The following DNAJB4 variants were observed in gnomAD, a reference collection of about 807,000 sequenced individuals.
The protein encoded by DNAJB4 is DnaJ heat shock protein family (Hsp40) member B4.
A neutral mutation model predicts 26.6 loss-of-function variants in DNAJB4; 10 were observed. The ratio of observed to expected loss-of-function variants is 0.38; its 90% CI spans 0.23 to 0.64. The LOEUF (loss-of-function observed/expected upper bound fraction) is 0.64, where lower values mean the gene tolerates loss of function less well. DNAJB4 is among the 30% of genes least tolerant of loss of function. DNAJB4 has a pLI of 0.58. For synonymous variants in DNAJB4, 136 were observed against 134.8 expected, an observed-to-expected ratio of 1.01 and a Z score of -0.06; for missense variants, 328 against 408.2, an observed-to-expected ratio of 0.80 and a Z score of 1.69.
At chr1:78,015,924 G>T in intron 2 of DNAJB4, 90 bp from the exon 3 acceptor site, 1 of 1,043,846 alleles carries the variant, frequency 9.6e-7, no homozygotes. Context: ...TTTTACCTTA[G>T]TGGTATTATC....
Position 78,016,030 on chromosome 1 carries a change from C to T in DNAJB4, c.797C>T (p.Ser266Leu), listed in dbSNP as rs1330201223. Residue 266 changes from serine to leucine, a missense_variant, in exon 3 of 3, where the codon TCA (serine) becomes TTA (leucine). Physicochemically the swap from Ser to Leu is moderately radical, Grantham distance 145 (BLOSUM62 -2). Transcript: ENST00000370763. ...CCATTTTAGGCATTGTGTGGCTGCT[C>T]AATTAATGTACCAACACTGGATGGA... The part of the protein sequence containing the change: ...ISLREALCGC[S>L]INVPTLDGRN... 6.2e-7 allele frequency: 1 copy of T among 1,613,626 alleles called. No homozygotes were observed. The highest frequency in any genetic ancestry group is 8.5e-7 in the Non-Finnish European group (1 of 1,179,866).
At chr1:78,000,196 T>C (rs1411096149), upstream of DNAJB4, among the ~76,000 whole-genome samples, 1 of 152,162 alleles carries the variant, frequency 6.6e-6, no homozygotes, top group African/African-American at 2.4e-5. Flanking sequence ...GCATATGGTA[T>C]AGTAATTTTC....
At chr1:77,979,555 C>G (rs1659429206), upstream of DNAJB4, 1 of 154,374 alleles carries the variant, frequency 6.5e-6, no homozygotes, top group Non-Finnish European at 1.4e-5. Context: ...GCGTCCGAGA[C>G]GCCGCGCGGT....
intron 1 of DNAJB4, among the ~76,000 whole-genome samples, chr1:77,990,149 T>C (rs564839743): frequency 1.3e-5 from 2 of 152,326 alleles, no homozygotes; most frequent in African/African-American, 4.8e-5. Flanking sequence ...AAAGAAGATA[T>C]GAATGGTTCT....
chr1:78,013,417 A>G lies in DNAJB4; in HGVS notation c.578A>G (p.Tyr193Cys), dbSNP rs757451101. The change falls in exon 2 of 3, where the codon TAC becomes TGC. Residue 193 changes from tyrosine (Y) to cysteine (C), a missense_variant. Physicochemically the swap from Tyr to Cys is radical, Grantham distance 194. Coordinates refer to ENST00000370763, the MANE Select transcript of DNAJB4 (RefSeq NM_007034.5). ...RKRLNADGRS[Y>C]RSEDKILTIE... is the part of the protein sequence containing the mutation. ...AGGCTAAACGCTGATGGAAGGAGTT[A>G]CAGATCTGAGGACAAAATTCTTACC... The G allele has an allele frequency of 6.2e-7, 1 of 1,614,204 alleles. No individual in the cohort carries two copies. The highest frequency in any genetic ancestry group is 8.5e-7 in the Non-Finnish European group (1 of 1,180,014).
chr1:77,990,423 C>T (rs953523290), intron 1 of DNAJB4, among the ~76,000 whole-genome samples: 2 of 152,160 alleles, frequency 1.3e-5, no homozygotes, highest in African/African-American at 4.8e-5. Flanking sequence ...TCTTCATCCA[C>T]GTTCAATTCA....
intron 1 of DNAJB4, among the ~76,000 whole-genome samples, chr1:77,985,222 G>T (rs1405607984): frequency 6.6e-6 from 1 of 152,150 alleles, no homozygotes; most frequent in Non-Finnish European, 1.5e-5. Flanking sequence ...AAGTGGGTGG[G>T]TACAAGATAG....
At chr1:77,998,947 T>TG (rs1320215293) in intron 1 of DNAJB4, among the ~76,000 whole-genome samples, 1 of 152,192 alleles carries the variant, frequency 6.6e-6, no homozygotes, top group Non-Finnish European at 1.5e-5. Flanking sequence ...AAGTTGCATT[T>TG]GTAGCCATCA....
chr1:77,980,683 A>AAT (rs935470945), intron 1 of DNAJB4, among the ~76,000 whole-genome samples: 1 of 152,154 alleles, frequency 6.6e-6, no homozygotes, highest in Non-Finnish European at 1.5e-5. Context: ...AATTGTGAGA[A>AAT]ATATATATAT....
At chr1:77,987,210 C>A (rs1267590916) in intron 1 of DNAJB4, among the ~76,000 whole-genome samples, 1 of 152,210 alleles carries the variant, frequency 6.6e-6, no homozygotes, top group African/African-American at 2.4e-5. Context: ...TTTACCCTAT[C>A]TATGATTCTA....
In DNAJB4 at chr1:78,017,255, C is replaced by G. The variant is rs1363113845; in HGVS notation, c.*1008C>G. On this transcript the variant is annotated 3_prime_UTR_variant, in exon 3 of 3. Coordinates refer to ENST00000370763, the MANE Select transcript of DNAJB4 (RefSeq NM_007034.5). Reference sequence around the variant, plus strand: ...TGCATATAAATATTTTACTTTTTCACATGTATAGATTGCATTTCTTAGGTG... The same window carrying G: ...TGCATATAAATATTTTACTTTTTCAGATGTATAGATTGCATTTCTTAGGTG... 1.3e-5 allele frequency: 2 copies of G among 151,900 alleles called. No homozygotes were observed. The highest frequency in any genetic ancestry group is 2.4e-5 in the African/African-American group (1 of 41,394). The allele number at this position is 151,900 out of a possible 1,614,324, so 9.4% of individuals were successfully genotyped here.
In DNAJB4 at chr1:78,016,308, T is replaced by A; in HGVS notation, c.*61T>A. 1 of 1,379,046 alleles carries A rather than the reference T, an allele frequency of 7.3e-7. No individual in the cohort carries two copies. Among genetic ancestry groups the A allele is most frequent in the Non-Finnish European group, 1.0e-6 (1 of 986,234 alleles). 85.4% of individuals were successfully genotyped at this position (1,379,046 alleles called of 1,614,324 possible). ...ACTGAAAATATAAAAGGACTGGTAG[T>A]TTACTGATGTAGATGTGAATTCTGT... On this transcript the variant is annotated 3_prime_UTR_variant, in exon 3 of 3. Transcript: ENST00000370763.
chr1:78,011,970 T>G (rs1660490813), intron 1 of DNAJB4, among the ~76,000 whole-genome samples: 1 of 148,674 alleles, frequency 6.7e-6, no homozygotes, highest in Non-Finnish European at 1.5e-5. Flanking sequence ...TTATATATAT[T>G]GTTTGATTGT....
intron 1 of DNAJB4, among the ~76,000 whole-genome samples, chr1:78,006,521 T>C (rs1660333503): frequency 6.6e-6 from 1 of 152,236 alleles, no homozygotes; most frequent in African/African-American, 2.4e-5. Flanking sequence ...GACTGCTTAT[T>C]TTGAATGAAA....
intron 1 of DNAJB4, among the ~76,000 whole-genome samples, chr1:77,987,933 TAC>T (rs1233528014): frequency 6.7e-6 from 1 of 148,334 alleles, no homozygotes; most frequent in East Asian, 1.9e-4. Flanking sequence ...TACATATATA[TAC>T]ATAAAGATTT....
At chr1:77,991,365 G>A (rs1166323707) in intron 1 of DNAJB4, among the ~76,000 whole-genome samples, 1 of 152,096 alleles carries the variant, frequency 6.6e-6, no homozygotes, top group Admixed American at 6.6e-5. Flanking sequence ...CCTACTCACC[G>A]AAATGTATTT....
At chr1:77,982,286 T>A (rs1382106933) in intron 1 of DNAJB4, among the ~76,000 whole-genome samples, 3 of 152,266 alleles carry the variant, frequency 2.0e-5, no homozygotes, top group African/African-American at 7.2e-5. Flanking sequence ...CTAAAATTCA[T>A]ATATTTACTG....
chr1:77,981,711 A>G (rs928218739), intron 1 of DNAJB4, among the ~76,000 whole-genome samples: 2 of 152,234 alleles, frequency 1.3e-5, no homozygotes, highest in African/African-American at 4.8e-5. Flanking sequence ...GGATCTCTTC[A>G]GTGAAGCTGG....
chr1:77,982,080 TATC>T (rs1323893094), intron 1 of DNAJB4, among the ~76,000 whole-genome samples: 1 of 152,240 alleles, frequency 6.6e-6, no homozygotes, highest in Non-Finnish European at 1.5e-5. Context: ...TAACTGGCCT[TATC>T]ATCCGGTTCT....
Sources: gnomAD v4.1 joint callset for allele counts (sites outside exome capture counted in the v4.1 genomes callset) on GRCh38, gnomAD v4.1.1 for gene constraint, MANE v1.5 for transcripts, NCBI Gene and HGNC (gene_info 2026-07-23, HGNC 2026-07-21) for gene names.